Variants in NOSTRIN observed in about 807,000 individuals in gnomAD.
NOSTRIN encodes BM247 homolog.
Under a neutral mutation model 59.0 loss-of-function variants are expected in NOSTRIN, and 63 were observed. The observed-to-expected ratio is 1.07, with a 90% confidence interval of 0.87 to 1.32. The LOEUF (loss-of-function observed/expected upper bound fraction) is 1.32, where lower values mean the gene tolerates loss of function less well. Among genes scored for constraint, NOSTRIN ranks in the 40% most tolerant of loss-of-function variants. NOSTRIN has a pLI of 0.00. For synonymous variants in NOSTRIN, 200 were observed against 165.4 expected, an observed-to-expected ratio of 1.21 and a Z score of -1.61; for missense variants, 512 against 473.1, an observed-to-expected ratio of 1.08 and a Z score of -0.76.
rs1254245619 is a variant in NOSTRIN, at chr2:168,828,484, G to A, written c.325G>A (p.Glu109Lys). ...GACTTATCAAGTCCTAAATGTACAA[G>A]AGAAGAAGAGAAAATCAGTGAGTCC... ...KPTYQVLNVQ[E>K]KKRKSLDNEV... Residue 109 changes from glutamate to lysine, a missense_variant, in exon 5 of 16, where the codon GAG (glutamate) becomes AAG (lysine). Transcript: ENST00000317647. 1.1e-6 allele frequency: 1 copy of A among 870,520 alleles called. No homozygotes were observed. 53.9% of individuals were successfully genotyped at this position (870,520 alleles called of 1,614,324 possible).
intron 12 of NOSTRIN, chr2:168,859,304 C>T: frequency 1.7e-6 from 1 of 577,320 alleles, no homozygotes; most frequent in Non-Finnish European, 2.9e-6. Context: ...CAGAATGAGA[C>T]ACACTCAACA....
intron 8 of NOSTRIN, chr2:168,850,735 A>G: frequency 2.9e-6 from 2 of 686,418 alleles, no homozygotes; most frequent in Admixed American, 2.6e-5. Context: ...CAACATGGTG[A>G]AACCCCATCT....
chr2:168,791,795 G>C (rs1209720393), intron 2 of NOSTRIN, among the ~76,000 whole-genome samples: 1 of 152,166 alleles, frequency 6.6e-6, no homozygotes, highest in Admixed American at 6.5e-5. Flanking sequence ...CTTTTGACAA[G>C]TGTCTGTTCA....
chr2:168,855,171 TATTC>T (rs1345527042), intron 10 of NOSTRIN, among the ~76,000 whole-genome samples, 177 bp from the exon 11 acceptor site: 2 of 152,236 alleles, frequency 1.3e-5, no homozygotes, highest in East Asian at 3.8e-4. Flanking sequence ...AATATTTTCT[TATTC>T]ATCAGGTCTC....
At chr2:168,817,796 A>T in intron 2 of NOSTRIN, among the ~76,000 whole-genome samples, 1 of 152,212 alleles carries the variant, frequency 6.6e-6, no homozygotes, top group East Asian at 1.9e-4. Context: ...GTTCTCAGGA[A>T]GCAGAATTAA....
At chr2:168,790,359 A>G (rs1685317059) in intron 2 of NOSTRIN, among the ~76,000 whole-genome samples, 1 of 152,198 alleles carries the variant, frequency 6.6e-6, no homozygotes. Flanking sequence ...CGTCACCACA[A>G]AATATTTACT....
intron 2 of NOSTRIN, among the ~76,000 whole-genome samples, chr2:168,814,485 G>C (rs1686300758): frequency 6.6e-6 from 1 of 152,102 alleles, no homozygotes; most frequent in South Asian, 2.1e-4. Flanking sequence ...TGAACCAATG[G>C]TAATCTTCCC....
Position 168,830,136 on chromosome 2 carries a change from A to G in NOSTRIN, c.343-1336A>G, listed in dbSNP as rs376351435. Among the ~76,000 whole-genome samples the G allele has an allele frequency of 2.7e-3, 406 of 152,304 alleles. 3 individuals are homozygous for G. Among genetic ancestry groups the G allele is most frequent in the African/African-American group, 9.0e-3 (373 of 41,570 alleles). On this transcript the variant is annotated intron_variant, in intron 5 of 15. Coordinates refer to ENST00000317647, the MANE Select transcript of NOSTRIN (RefSeq NM_001039724.4). Reference sequence around the variant, plus strand: ...GCCAACTTAATAAAAACCAATTACTAGTCTATATTTCGTTGATTACAAAAT... The same window carrying G: ...GCCAACTTAATAAAAACCAATTACTGGTCTATATTTCGTTGATTACAAAAT...
At chr2:168,822,347 G>GA (rs5836207) in intron 2 of NOSTRIN, among the ~76,000 whole-genome samples, 25 of 150,928 alleles carry the variant, frequency 1.7e-4, no homozygotes, top group African/African-American at 3.7e-4. Context: ...TGTACTAAGA[G>GA]AAAAAAAAAA....
intron 2 of NOSTRIN, among the ~76,000 whole-genome samples, chr2:168,788,638 A>T (rs1685265617): frequency 6.6e-6 from 1 of 152,178 alleles, no homozygotes; most frequent in Non-Finnish European, 1.5e-5. Context: ...AAGCAGTGGG[A>T]GATGGGTTAC....
intron 3 of NOSTRIN, among the ~76,000 whole-genome samples, chr2:168,825,541 T>G: frequency 6.6e-6 from 1 of 152,080 alleles, no homozygotes; most frequent in East Asian, 1.9e-4. Context: ...TGTGCTCTAT[T>G]GTGTGTGTGT....
intron 10 of NOSTRIN, among the ~76,000 whole-genome samples, chr2:168,852,692 G>A (rs1688842394): frequency 6.6e-6 from 1 of 152,182 alleles, no homozygotes. Context: ...CAAGACGGTA[G>A]AAGGCAGAGG....
rs561139115 is a variant in NOSTRIN at position 168,792,144 on chromosome 2, T to C, written c.-473+4096T>C. 6.8e-4 allele frequency among the ~76,000 whole-genome samples: 104 copies of C among 152,222 alleles called. 1 individual carries two copies. Among genetic ancestry groups the C allele is most frequent in the Admixed American group, 2.4e-3 (36 of 15,290 alleles). On this transcript the variant is annotated intron_variant, in intron 2 of 20. Coordinates refer to the NOSTRIN transcript ENST00000458381. ...CTAACATGTAAGTCTTTAATCCATC[T>C]TGAATTAATTTTTGTAAATATATTT...
At chr2:168,790,986 T>C (rs995349026) in intron 2 of NOSTRIN, among the ~76,000 whole-genome samples, 1 of 152,038 alleles carries the variant, frequency 6.6e-6, no homozygotes, top group Non-Finnish European at 1.5e-5. Context: ...ATTTGTTTTC[T>C]TTTTTTAAAT....
upstream of NOSTRIN, among the ~76,000 whole-genome samples, chr2:168,797,862 A>G (rs1261632722): frequency 6.6e-6 from 1 of 152,134 alleles, no homozygotes; most frequent in Admixed American, 6.6e-5. Context: ...AAAATAATAC[A>G]TATCTACCTC....
At chr2:168,855,785 G>T in intron 11 of NOSTRIN, 3 of 423,100 alleles carry the variant, frequency 7.1e-6, no homozygotes, top group Admixed American at 6.7e-5. Flanking sequence ...TTAAAACATG[G>T]TCAACCAACT....
intron 8 of NOSTRIN, among the ~76,000 whole-genome samples, chr2:168,845,554 G>A (rs1000763428): frequency 3.9e-5 from 6 of 152,090 alleles, no homozygotes; most frequent in South Asian, 2.1e-4. Context: ...CTCTTGCTAC[G>A]CCTCTCCTTC....
chr2:168,856,483 G>T, intron 11 of NOSTRIN: 1 of 553,794 alleles, frequency 1.8e-6, no homozygotes, highest in East Asian at 3.1e-5. Flanking sequence ...GCTGAGGGAG[G>T]AGAATTGTTT....
chr2:168,833,077 A>AT lies in NOSTRIN; in HGVS notation c.406-1143dup, dbSNP rs1687462026. Among the ~76,000 whole-genome samples, 5 of 152,316 alleles carry AT rather than the reference A, an allele frequency of 3.3e-5. No individual in the cohort carries two copies. In the South Asian group the frequency reaches 1.0e-3, roughly 32 times the overall value. ...ATCATTTCCCAGTTTCTATCAAGTC[A>AT]TTTTTTTAAATAAAAGATTTCATTT... On this transcript the variant is annotated intron_variant, in intron 6 of 15. Coordinates refer to ENST00000317647, the MANE Select transcript of NOSTRIN (RefSeq NM_001039724.4).
Sources: allele counts gnomAD v4.1 joint callset (sites outside exome capture counted in the v4.1 genomes callset), GRCh38; gene constraint gnomAD v4.1.1; transcripts MANE v1.5; gene names NCBI Gene and HGNC (gene_info 2026-07-23, HGNC 2026-07-21).